LAMC1: variants seen among roughly 807,000 people sequenced by gnomAD.
The protein encoded by LAMC1 is laminin subunit gamma-1.
A neutral mutation model predicts 173.6 loss-of-function variants in LAMC1; 38 were observed. The ratio of observed to expected loss-of-function variants is 0.22; its 90% CI spans 0.17 to 0.29. The LOEUF is 0.29. LAMC1 is among the 10% of genes least tolerant of loss of function. LAMC1 has a pLI of 1.00. For missense variants in LAMC1, 1,824 were observed against 2,051.8 expected, an observed-to-expected ratio of 0.89 and a Z score of 2.14; for synonymous variants, 746 against 749.1, an observed-to-expected ratio of 1.00 and a Z score of 0.07.
chr1:183,096,515 T>G (rs1655697601), intron 1 of LAMC1: 1 of 152,232 alleles, frequency 6.6e-6, no homozygotes, highest in South Asian at 2.1e-4. Flanking sequence ...CTTTCCGTTA[T>G]TAACAATGGC....
chr1:183,088,561 G>T (rs1291807368), intron 1 of LAMC1, among the ~76,000 whole-genome samples: 2 of 152,216 alleles, frequency 1.3e-5, no homozygotes, highest in Admixed American at 6.5e-5. Context: ...TTGTGTCATG[G>T]TTAGAAAAGC....
intron 1 of LAMC1, among the ~76,000 whole-genome samples, chr1:183,047,202 T>C (rs1654288292): frequency 6.6e-6 from 1 of 152,154 alleles, no homozygotes; most frequent in African/African-American, 2.4e-5. Context: ...ATCTGGAAAA[T>C]GGAAACATTT....
chr1:183,063,611 A>G (rs906485347), intron 1 of LAMC1, among the ~76,000 whole-genome samples: 2 of 152,144 alleles, frequency 1.3e-5, no homozygotes, highest in Non-Finnish European at 2.9e-5. Flanking sequence ...GCTCTCTCCT[A>G]TCATTGCTTT....
At chr1:183,043,943 G>A (rs773449197) in intron 1 of LAMC1, among the ~76,000 whole-genome samples, 6 of 152,074 alleles carry the variant, frequency 3.9e-5, no homozygotes, top group Non-Finnish European at 5.9e-5. Flanking sequence ...TAATTTTGGC[G>A]ATGTCTGTGT....
At chr1:183,060,539 C>T (rs1388486868) in intron 1 of LAMC1, among the ~76,000 whole-genome samples, 1 of 152,166 alleles carries the variant, frequency 6.6e-6, no homozygotes, top group Non-Finnish European at 1.5e-5. Flanking sequence ...TGCAGTGACT[C>T]ACTACGCCTA....
intron 1 of LAMC1, among the ~76,000 whole-genome samples, chr1:183,091,540 TGG>T (rs1655566947): frequency 6.6e-6 from 1 of 152,182 alleles, no homozygotes; most frequent in African/African-American, 2.4e-5. Context: ...TATGAACATC[TGG>T]CACTTCGTAC....
intron 1 of LAMC1, among the ~76,000 whole-genome samples, chr1:183,039,220 C>A (rs760056788): frequency 1.5e-5 from 2 of 131,626 alleles, no homozygotes; most frequent in Non-Finnish European, 3.1e-5. Context: ...AAATTGTGTT[C>A]TTTTGGAGGT....
Position 183,132,493 on chromosome 1 carries a change from A to G in LAMC1, c.3660A>G (p.Ala1220=), listed in dbSNP as rs1656824959. Residue 1220 remains alanine, a synonymous_variant, in exon 21 of 28, where the codon GCA becomes GCG. Transcript: ENST00000258341. ...EAYNLLLRTL[A]GENQTAFEIE... Reference sequence around the variant, plus strand: ...ACAACCTGCTTCTGAGGACACTGGCAGGAGAAAATCAAACAGCATTTGAGA... The same window carrying G: ...ACAACCTGCTTCTGAGGACACTGGCGGGAGAAAATCAAACAGCATTTGAGA... 1 of 1,613,904 alleles carries G rather than the reference A, an allele frequency of 6.2e-7. No homozygotes were observed. Among genetic ancestry groups the G allele is most frequent in the African/African-American group, 1.3e-5 (1 of 74,932 alleles).
intron 26 of LAMC1, 83 bp downstream of exon 26, chr1:183,137,910 C>A (rs1341338869): frequency 8.3e-7 from 1 of 1,207,888 alleles, no homozygotes. Context: ...TGAGAAGAGT[C>A]TTTTTTATAT....
intron 1 of LAMC1, among the ~76,000 whole-genome samples, chr1:183,079,953 GT>G (rs957973578): frequency 6.6e-6 from 1 of 151,930 alleles, no homozygotes; most frequent in Non-Finnish European, 1.5e-5. Flanking sequence ...TCAAAAACGT[GT>G]TTTTTTTGGA....
chr1:183,121,200 C>T (rs576054625), intron 11 of LAMC1, among the ~76,000 whole-genome samples: 111 of 152,026 alleles, frequency 7.3e-4, no homozygotes, highest in Middle Eastern at 6.8e-3. Flanking sequence ...GGGCTGATCA[C>T]CTAAGGTCAG....
At chr1:183,030,373 G>C (rs988592371) in intron 1 of LAMC1, among the ~76,000 whole-genome samples, 1 of 152,186 alleles carries the variant, frequency 6.6e-6, no homozygotes, top group African/African-American at 2.4e-5. Flanking sequence ...TTCACTGACT[G>C]TTTGGGTGGA....
intron 1 of LAMC1, among the ~76,000 whole-genome samples, chr1:183,052,860 C>T (rs1365330405): frequency 6.6e-6 from 1 of 152,200 alleles, no homozygotes; most frequent in South Asian, 2.1e-4. Flanking sequence ...CCTTTATTTC[C>T]ATTTTCTTCT....
At chr1:183,097,016 C>T (rs1571437305) in intron 1 of LAMC1, among the ~76,000 whole-genome samples, 1 of 152,088 alleles carries the variant, frequency 6.6e-6, no homozygotes, top group Non-Finnish European at 1.5e-5. Flanking sequence ...CCTGTGTCTG[C>T]TTGAGGATCC....
chr1:183,074,037 C>T lies in LAMC1; in HGVS notation c.419-29291C>T, dbSNP rs868485055. 3.9e-5 allele frequency among the ~76,000 whole-genome samples: 6 copies of T among 152,152 alleles called. No homozygotes were observed. The South Asian group carries it at 1.2e-3, about 32-fold the overall frequency. ...CTATAATTTTTCTTACTCCTTTTTC[C>T]CTTATCTGATTTGGTATCAAAGTTA... On this transcript the variant is annotated intron_variant, in intron 1 of 27. Transcript: ENST00000258341.
At chr1:183,110,190 A>G (rs1571446037) in intron 3 of LAMC1, among the ~76,000 whole-genome samples, 3 of 152,180 alleles carry the variant, frequency 2.0e-5, no homozygotes, top group East Asian at 3.9e-4. Context: ...GAACCACTAT[A>G]TTCTGCTACC....
chr1:183,121,682 A>C, intron 11 of LAMC1, 41 bp from the exon 12 acceptor site: 1 of 1,546,918 alleles, frequency 6.5e-7, no homozygotes, highest in Non-Finnish European at 8.8e-7. Flanking sequence ...GGTTTGGAAA[A>C]CAAGCCAGTT....
intron 1 of LAMC1, among the ~76,000 whole-genome samples, chr1:183,027,269 G>A (rs1479295199): frequency 7.6e-6 from 1 of 131,224 alleles, no homozygotes; most frequent in African/African-American, 2.6e-5. Flanking sequence ...TTGTTGTGGG[G>A]AGAAATCTCC....
chr1:183,043,208 T>A (rs1343687018), intron 1 of LAMC1, among the ~76,000 whole-genome samples: 1 of 152,140 alleles, frequency 6.6e-6, no homozygotes, highest in Non-Finnish European at 1.5e-5. Flanking sequence ...GATGGGTGTA[T>A]GTTACATAAC....
Sources: gnomAD v4.1 joint callset for allele counts (sites outside exome capture counted in the v4.1 genomes callset) on GRCh38, gnomAD v4.1.1 for gene constraint, MANE v1.5 for transcripts, NCBI Gene and HGNC (gene_info 2026-07-23, HGNC 2026-07-21) for gene names.